The following TMEM63C variants were observed in gnomAD, a reference collection of about 807,000 sequenced individuals.
The protein encoded by TMEM63C is transmembrane protein 63C.
Under a neutral mutation model 99.2 loss-of-function variants are expected in TMEM63C, and 32 were observed. The ratio of observed to expected loss-of-function variants is 0.32; its 90% CI spans 0.24 to 0.43. The LOEUF (loss-of-function observed/expected upper bound fraction) is 0.43. Among genes scored for constraint, TMEM63C ranks in the 20% least tolerant of loss-of-function variants. The pLI is 1.00. For synonymous variants in TMEM63C, 376 were observed against 397.9 expected, an observed-to-expected ratio of 0.94 and a Z score of 0.66; for missense variants, 826 against 1,053.0, an observed-to-expected ratio of 0.78 and a Z score of 2.98.
intron 23 of TMEM63C, among the ~76,000 whole-genome samples, chr14:77,255,762 A>C (rs891860994): frequency 1.3e-5 from 2 of 152,234 alleles, no homozygotes; most frequent in African/African-American, 4.8e-5. Flanking sequence ...TCCATGGTTC[A>C]GTTGACATTT....
chr14:77,194,189 A>G (rs1320402328), intron 1 of TMEM63C, among the ~76,000 whole-genome samples: 1 of 152,224 alleles, frequency 6.6e-6, no homozygotes, highest in Non-Finnish European at 1.5e-5. Context: ...TCAGTGGAAC[A>G]CTATGAGCTA....
chr14:77,239,475 C>T lies in TMEM63C; in HGVS notation c.789C>T (p.Ile263=), dbSNP rs367752886. 12 of 1,613,458 alleles carry T rather than the reference C, an allele frequency of 7.4e-6. No individual in the cohort carries two copies. The highest frequency in any genetic ancestry group is 6.7e-5 in the Admixed American group (4 of 59,992). ...TCTGCTACGACGTCAGGAACCTGAT[C>T]GACTTGGACGATCAGAGGTGAGGCT... is the stretch of plus-strand genomic sequence containing the variant. ...VHFCYDVRNL[I]DLDDQRRHAM... is the part of the protein sequence containing the mutation. The change falls in exon 11 of 24, where the codon ATC becomes ATT. Residue 263 remains isoleucine (I), a synonymous_variant. Transcript: ENST00000298351.
intron 2 of TMEM63C, among the ~76,000 whole-genome samples, chr14:77,215,006 A>T (rs1217636510): frequency 6.6e-6 from 1 of 151,652 alleles, no homozygotes; most frequent in Admixed American, 6.6e-5. Context: ...TACACCCTCA[A>T]CCCTCTTGTG....
At chr14:77,204,753 T>G (rs1888367418) in intron 1 of TMEM63C, among the ~76,000 whole-genome samples, 1 of 152,238 alleles carries the variant, frequency 6.6e-6, no homozygotes, top group African/African-American at 2.4e-5. Context: ...CTCTAATGTT[T>G]CATGTGAGTT....
At chr14:77,217,283 A>C (rs1342872600) in intron 2 of TMEM63C, among the ~76,000 whole-genome samples, 1 of 151,968 alleles carries the variant, frequency 6.6e-6, no homozygotes. Flanking sequence ...CCTCCACTTA[A>C]AGTGCTCTTT....
chr14:77,256,575 C>T lies in TMEM63C; in HGVS notation c.2270C>T (p.Ala757Val). ...LQEPELNLTP[A>V]SSPARHTYGT... is the part of the protein sequence containing the mutation. ...GAACCGGAGTTGAATCTGACCCCCG[C>T]CTCCTCCCCAGCCAGGCACACCTAT... The change falls in exon 24 of 24, where the codon GCC (alanine) becomes GTC (valine). Residue 757 changes from alanine (A) to valine (V), a missense_variant. Ala to Val is a moderately conservative substitution (Grantham distance 64). Coordinates refer to ENST00000298351, the MANE Select transcript of TMEM63C (RefSeq NM_020431.4). 2 of 1,614,024 alleles carry T rather than the reference C, an allele frequency of 1.2e-6. No homozygotes were observed. Among genetic ancestry groups the T allele is most frequent in the Non-Finnish European group, 1.7e-6 (2 of 1,179,894 alleles).
rs112370393 is a variant in TMEM63C, at chr14:77,232,650, T to A, written c.494-802T>A. Among the ~76,000 whole-genome samples the A allele has an allele frequency of 4.7e-4, 72 of 152,332 alleles. 1 individual carries two copies. The highest frequency in any genetic ancestry group is 1.5e-3 in the African/African-American group (63 of 41,580). ...TCTCCCGAGCTTTACTTTCCTCAAC[T>A]GTCTTAGGGATTGGGAGATCACATG... On this transcript the variant is annotated intron_variant, in intron 7 of 23. Coordinates refer to ENST00000298351, the MANE Select transcript of TMEM63C (RefSeq NM_020431.4).
chr14:77,231,652 CTCA>C lies in TMEM63C; in HGVS notation c.421_423del (p.Ile141del). 1 of 1,551,648 alleles carries C rather than the reference CTCA, an allele frequency of 6.4e-7. No individual in the cohort carries two copies. Among genetic ancestry groups the C allele is most frequent in the Non-Finnish European group, 8.7e-7 (1 of 1,146,990 alleles). On this transcript the variant is annotated inframe_deletion, in exon 7 of 24. Transcript: ENST00000298351. Reference sequence around the variant, plus strand: ...CATCTACATCGTGTTCCAGTACCACCTCATCATCTTTGTGCTCATCATCTGTAT... The same window carrying C: ...CATCTACATCGTGTTCCAGTACCACCTCATCTTTGTGCTCATCATCTGTAT...
chr14:77,245,880 T>C (rs1046645694), intron 16 of TMEM63C, 60 bp from the exon 17 acceptor site: 2 of 1,213,396 alleles, frequency 1.6e-6, no homozygotes, highest in Non-Finnish European at 2.5e-6. Flanking sequence ...ATTACATAGT[T>C]AGGCCTTTGG....
intron 1 of TMEM63C, among the ~76,000 whole-genome samples, chr14:77,186,821 C>CTGTGTGTGTGTGTGTGTG (rs1888008974): frequency 3.5e-5 from 2 of 56,698 alleles, no homozygotes; most frequent in Non-Finnish European, 7.4e-5. Flanking sequence ...GTGTGTGTGT[C>CTGTGTGTGTGTGTGTGTG]TGTGTGTGTC....
At chr14:77,225,372 C>T (rs1166091888) in intron 5 of TMEM63C, 52 bp from the exon 6 acceptor site, 1 of 1,591,972 alleles carries the variant, frequency 6.3e-7, no homozygotes, top group Non-Finnish European at 8.6e-7. Context: ...CAGAGCTGGG[C>T]AGGGCAGGCC....
At chr14:77,193,758 C>T (rs901383032) in intron 1 of TMEM63C, among the ~76,000 whole-genome samples, 7 of 151,682 alleles carry the variant, frequency 4.6e-5, no homozygotes, top group African/African-American at 7.3e-5. Flanking sequence ...GGCTTGAACC[C>T]GGGAGGCAGA....
At chr14:77,209,772 C>A (rs989247719) in intron 1 of TMEM63C, among the ~76,000 whole-genome samples, 1 of 152,002 alleles carries the variant, frequency 6.6e-6, no homozygotes, top group Non-Finnish European at 1.5e-5. Context: ...AGGGGTGGGG[C>A]AAGCAACTCT....
intron 4 of TMEM63C, 102 bp downstream of exon 4, chr14:77,219,679 C>A: frequency 7.8e-7 from 1 of 1,283,310 alleles, no homozygotes; most frequent in Non-Finnish European, 1.1e-6. Context: ...CAGCAGGTGT[C>A]TCGCCAGCAA....
intron 2 of TMEM63C, among the ~76,000 whole-genome samples, chr14:77,214,104 A>C (rs575921004): frequency 1.3e-5 from 2 of 151,376 alleles, no homozygotes; most frequent in African/African-American, 4.9e-5. Context: ...GCCCTCCCCA[A>C]CTCCTGAAAC....
chr14:77,243,752 C>T (rs1413618913), intron 15 of TMEM63C, among the ~76,000 whole-genome samples: 3 of 152,168 alleles, frequency 2.0e-5, no homozygotes, highest in Non-Finnish European at 4.4e-5. Context: ...TCCAACAACA[C>T]ACATGTGCAT....
At chr14:77,226,088 G>C (rs1415322567) in intron 6 of TMEM63C, among the ~76,000 whole-genome samples, 1 of 152,170 alleles carries the variant, frequency 6.6e-6, no homozygotes, top group Non-Finnish European at 1.5e-5. Flanking sequence ...TGTTCCCACT[G>C]CGTAGGCATA....
In TMEM63C at chr14:77,254,074, T is replaced by A. The variant is rs553536088; in HGVS notation, c.2220+698T>A. 1.8e-3 allele frequency among the ~76,000 whole-genome samples: 275 copies of A among 152,214 alleles called. 2 individuals are homozygous for A. The highest frequency in any genetic ancestry group is 4.1e-3 in the South Asian group (20 of 4,822). ...GCCAGGCTGGCACTCGGTGAAAGCA[T>A]CCCAGAGGAGGGAGCATTGAATCTG... On this transcript the variant is annotated intron_variant, in intron 23 of 23. Transcript: ENST00000298351.
At chr14:77,210,323 C>A (rs1888473475) in intron 1 of TMEM63C, among the ~76,000 whole-genome samples, 1 of 152,152 alleles carries the variant, frequency 6.6e-6, no homozygotes, top group Non-Finnish European at 1.5e-5. Flanking sequence ...CAAAAACCCC[C>A]AGTTCTATCC....
Sources: allele counts gnomAD v4.1 joint callset (sites outside exome capture counted in the v4.1 genomes callset), GRCh38; gene constraint gnomAD v4.1.1; transcripts MANE v1.5; gene names NCBI Gene and HGNC (gene_info 2026-07-23, HGNC 2026-07-21).